Variants in SLC36A1 observed in about 807,000 individuals in gnomAD.
The protein encoded by SLC36A1 is solute carrier family 36 member 1, also known as proton-coupled amino acid transporter 1.
In SLC36A1, 30 loss-of-function variants were observed where a neutral mutation model predicts 47.5. The ratio of observed to expected loss-of-function variants is 0.63; its 90% CI spans 0.47 to 0.86. The LOEUF (loss-of-function observed/expected upper bound fraction) is 0.86, where lower values mean the gene tolerates loss of function less well. Ranked by LOEUF, SLC36A1 falls within the 40% of genes least tolerant of loss-of-function variation. SLC36A1 has a pLI of 0.00. For synonymous variants in SLC36A1, 255 were observed against 249.7 expected (o/e 1.02, Z -0.20); for missense variants, 517 against 606.0 (o/e 0.85, Z 1.54).
intron 2 of SLC36A1, among the ~76,000 whole-genome samples, chr5:151,461,428 A>G (rs189105371): frequency 6.1e-4 from 93 of 152,154 alleles, no homozygotes; most frequent in African/African-American, 2.2e-3. Context: ...GTTCCATTAT[A>G]TATATCAAGC....
chr5:151,373,331 A>T, the SLC36A1 span, among the ~76,000 whole-genome samples: 3 of 152,178 alleles, frequency 2.0e-5, no homozygotes, highest in African/African-American at 7.2e-5. Flanking sequence ...ACACACACAC[A>T]CACCTGCCTA....
At chr5:151,544,855 T>G in the SLC36A1 span, 1 of 1,614,190 alleles carries the variant, frequency 6.2e-7, no homozygotes, top group Non-Finnish European at 8.5e-7. Context: ...GGCAGATACC[T>G]GAAAGAGGAC....
At chr5:151,520,504 T>G in the SLC36A1 span, among the ~76,000 whole-genome samples, 1 of 152,134 alleles carries the variant, frequency 6.6e-6, no homozygotes, top group Non-Finnish European at 1.5e-5. Context: ...CTACACAGAG[T>G]GTGGCGTACA....
chr5:151,393,081 T>C, the SLC36A1 span, among the ~76,000 whole-genome samples: 1 of 151,664 alleles, frequency 6.6e-6, no homozygotes, highest in African/African-American at 2.4e-5. Flanking sequence ...TGAATCTGGG[T>C]GCTCCTGTAT....
chr5:151,501,572 C>T, the SLC36A1 span, among the ~76,000 whole-genome samples: 1 of 148,260 alleles, frequency 6.7e-6, no homozygotes, highest in Admixed American at 6.6e-5. Context: ...GTGAGCCACA[C>T]ACCCGGCCTG....
At chr5:151,426,605 G>A in the SLC36A1 span, among the ~76,000 whole-genome samples, 4 of 151,938 alleles carry the variant, frequency 2.6e-5, no homozygotes, top group Non-Finnish European at 5.9e-5. Flanking sequence ...ACATATGATC[G>A]GGTGTTAAAC....
chr5:151,483,521 G>GA (rs1554117445), intron 10 of SLC36A1, among the ~76,000 whole-genome samples: 4 of 109,556 alleles, frequency 3.7e-5, no homozygotes, highest in African/African-American at 5.7e-5. Flanking sequence ...TGTGTGTGGG[G>GA]GGGGTGATTA....
chr5:151,349,636 G>A, the SLC36A1 span, among the ~76,000 whole-genome samples: 13 of 152,148 alleles, frequency 8.5e-5, no homozygotes, highest in Non-Finnish European at 1.5e-4. Context: ...CTTTTCTTGG[G>A]TGGGGCAGGC....
At chr5:151,416,592 A>G in the SLC36A1 span, among the ~76,000 whole-genome samples, 1 of 152,186 alleles carries the variant, frequency 6.6e-6, no homozygotes, top group Non-Finnish European at 1.5e-5. Flanking sequence ...CCTAATAACT[A>G]AAGACTAAAA....
the SLC36A1 span, chr5:151,527,431 T>C: frequency 6.6e-7 from 1 of 1,505,340 alleles, no homozygotes; most frequent in East Asian, 2.3e-5. Context: ...CCCTCACTTC[T>C]GCCCCCTGAG....
At chr5:151,549,774 A>G in the SLC36A1 span, among the ~76,000 whole-genome samples, 3 of 152,336 alleles carry the variant, frequency 2.0e-5, no homozygotes, top group East Asian at 5.8e-4. Flanking sequence ...GTGTTTTCCA[A>G]ATTACATCTC....
the SLC36A1 span, among the ~76,000 whole-genome samples, chr5:151,384,994 GAGAGA>G: frequency 2.1e-5 from 2 of 94,448 alleles, no homozygotes; most frequent in Admixed American, 9.1e-5. Context: ...GTGGGTGTGT[GAGAGA>G]GAGAGAGAGA....
At chr5:151,427,398 C>T in the SLC36A1 span, among the ~76,000 whole-genome samples, 1 of 152,208 alleles carries the variant, frequency 6.6e-6, no homozygotes, top group African/African-American at 2.4e-5. Flanking sequence ...ATTGCTTCTC[C>T]ACCAGCAGAG....
At chr5:151,541,539 G>A in the SLC36A1 span, among the ~76,000 whole-genome samples, 1 of 152,212 alleles carries the variant, frequency 6.6e-6, no homozygotes, top group Non-Finnish European at 1.5e-5. Flanking sequence ...TGTGATAGCA[G>A]AAGGAGCCAT....
the SLC36A1 span, chr5:151,554,790 T>C: frequency 3.7e-6 from 3 of 800,356 alleles, no homozygotes; most frequent in African/African-American, 3.5e-5. Context: ...TACTTTTTAT[T>C]ATCATAACTT....
chr5:151,481,947 T>C (rs890980869), intron 10 of SLC36A1, among the ~76,000 whole-genome samples: 1 of 152,178 alleles, frequency 6.6e-6, no homozygotes, highest in Non-Finnish European at 1.5e-5. Flanking sequence ...TTAGATTTCT[T>C]TGGAGCAATA....
chr5:151,383,018 C>T, the SLC36A1 span, among the ~76,000 whole-genome samples: 1 of 152,192 alleles, frequency 6.6e-6, no homozygotes, highest in South Asian at 2.1e-4. Context: ...CCCACCTCGG[C>T]CTCCCAAAGT....
In SLC36A1 at chr5:151,491,884, C is replaced by A. The variant is rs906778235; in HGVS notation, c.*3630C>A. 1.3e-5 allele frequency: 2 copies of A among 152,248 alleles called. No homozygotes were observed. Among genetic ancestry groups the A allele is most frequent in the African/African-American group, 4.8e-5 (2 of 41,448 alleles). 9.4% of individuals were successfully genotyped at this position (152,248 alleles called of 1,614,324 possible). ...GGGGTGTGGTTTGTCTTTGAAATTA[C>A]GGTTAATACTTTTAGACAGTAAGTC... On this transcript the variant is annotated 3_prime_UTR_variant, in exon 11 of 11. Coordinates refer to ENST00000243389, the MANE Select transcript of SLC36A1 (RefSeq NM_078483.4).
the SLC36A1 span, chr5:151,510,543 G>A: frequency 1.2e-5 from 2 of 170,530 alleles, no homozygotes; most frequent in African/African-American, 2.4e-5. Context: ...CAGGGGACAG[G>A]TACAAAGGGA....
Sources: gnomAD v4.1 joint callset for allele counts (sites outside exome capture counted in the v4.1 genomes callset) on GRCh38, gnomAD v4.1.1 for gene constraint, MANE v1.5 for transcripts, NCBI Gene and HGNC (gene_info 2026-07-23, HGNC 2026-07-21) for gene names.